Variants in AKAP13 observed in about 807,000 individuals in gnomAD.
The protein encoded by AKAP13 is A-kinase anchor protein 13.
Under a neutral mutation model 264.5 loss-of-function variants are expected in AKAP13, and 80 were observed. That is an observed-to-expected ratio of 0.30 (90% confidence interval 0.25 to 0.36). AKAP13 has a LOEUF of 0.36. Among genes scored for constraint, AKAP13 ranks in the 10% least tolerant of loss-of-function variants. The pLI, the probability that AKAP13 is intolerant of heterozygous loss-of-function variation, is 1.00. For missense variants in AKAP13, 3,712 were observed against 3,435.2 expected (o/e 1.08, Z -2.01); for synonymous variants, 1,380 against 1,250.2 (o/e 1.10, Z -2.19).
Position 85,442,710 on chromosome 15 carries a change from A to G in AKAP13, c.-11-43000A>G, listed in dbSNP as rs2073752918. Among the ~76,000 whole-genome samples, 3 of 151,678 alleles carry G rather than the reference A, an allele frequency of 2.0e-5. No homozygotes were observed. In the South Asian group the frequency reaches 6.2e-4, roughly 31 times the overall value. ...AAAACTTTCTTCCCCTATCATTGCC[A>G]TCCTGATTTTGGCTCAGCAACACTT... On this transcript the variant is annotated intron_variant, in intron 1 of 36. Transcript: ENST00000394518.
intron 8 of AKAP13, among the ~76,000 whole-genome samples, chr15:85,613,513 C>T (rs1567155472): frequency 6.6e-6 from 1 of 151,580 alleles, no homozygotes; most frequent in Non-Finnish European, 1.5e-5. Context: ...AACCCCGTCT[C>T]TACTAAAAAT....
chr15:85,628,810 T>C (rs2081555587), intron 8 of AKAP13, among the ~76,000 whole-genome samples: 1 of 152,176 alleles, frequency 6.6e-6, no homozygotes, highest in Admixed American at 6.5e-5. Context: ...AATAAATCTT[T>C]CTTGAAGATG....
chr15:85,659,570 C>A (rs1027258250), intron 12 of AKAP13, among the ~76,000 whole-genome samples: 1 of 152,066 alleles, frequency 6.6e-6, no homozygotes, highest in Admixed American at 6.6e-5. Flanking sequence ...TAAGTTTTAA[C>A]CCCATCTCTA....
intron 2 of AKAP13, among the ~76,000 whole-genome samples, chr15:85,505,778 T>A (rs1223785915): frequency 6.6e-6 from 1 of 152,202 alleles, no homozygotes; most frequent in Admixed American, 6.5e-5. Flanking sequence ...TATCTTAGTA[T>A]TTTCCTGCTG....
At chr15:85,388,039 C>CTT (rs59619317) in intron 1 of AKAP13, among the ~76,000 whole-genome samples, 91 of 143,834 alleles carry the variant, frequency 6.3e-4, no homozygotes, top group East Asian at 2.2e-3. Flanking sequence ...CTTTCATTTC[C>CTT]TTTTTTTTTT....
intron 5 of AKAP13, among the ~76,000 whole-genome samples, chr15:85,556,838 G>C (rs1166942707): frequency 6.6e-6 from 1 of 152,168 alleles, no homozygotes; most frequent in Non-Finnish European, 1.5e-5. Context: ...AAGCTCTTCA[G>C]AAGAAGCCGC....
Position 85,730,690 on chromosome 15 carries a change from A to G in AKAP13, c.7265A>G (p.Lys2422Arg). 6.2e-7 allele frequency: 1 copy of G among 1,613,508 alleles called. No individual in the cohort carries two copies. The change falls in exon 30 of 37, where the codon AAA becomes AGA. Residue 2422 changes from lysine to arginine, a missense_variant. Physicochemically the swap from Lys to Arg is conservative, Grantham distance 26. Transcript: ENST00000394518. ...GCTCTCAAAGGAGGACCTTTAATGA[A>G]AAGTGCAATAAATGAGGGTAATTAA... The part of the protein sequence containing the change: ...EEALKGGPLM[K>R]SAINEVEILQ...
chr15:85,743,141 G>A (rs1168118550), intron 35 of AKAP13, among the ~76,000 whole-genome samples: 1 of 152,090 alleles, frequency 6.6e-6, no homozygotes, highest in African/African-American at 2.4e-5. Flanking sequence ...TCCCTGTGTA[G>A]AGCAATCTTA....
intron 8 of AKAP13, among the ~76,000 whole-genome samples, chr15:85,617,914 C>CT: frequency 6.6e-6 from 1 of 152,280 alleles, no homozygotes; most frequent in East Asian, 1.9e-4. Context: ...TTTTAAATCT[C>CT]TGTCAAATCG....
chr15:85,665,482 T>G (rs1446977704), intron 13 of AKAP13, among the ~76,000 whole-genome samples: 2 of 152,210 alleles, frequency 1.3e-5, no homozygotes, highest in Non-Finnish European at 2.9e-5. Flanking sequence ...CCAGGAAATG[T>G]CAGTTGATTC....
intron 14 of AKAP13, among the ~76,000 whole-genome samples, chr15:85,679,695 T>G (rs2084475648): frequency 6.6e-6 from 1 of 152,242 alleles, no homozygotes; most frequent in Non-Finnish European, 1.5e-5. Flanking sequence ...AGTTCCACCC[T>G]GAAGTTCCTG....
At chr15:85,617,250 T>C (rs2009531) in intron 8 of AKAP13, among the ~76,000 whole-genome samples, 17 of 89,772 alleles carry the variant, frequency 1.9e-4, no homozygotes, top group East Asian at 1.0e-3. Context: ...GTTGTTTTTG[T>C]TTTTTGTTTT....
At chr15:85,712,783 A>T (rs780609211) in intron 19 of AKAP13, among the ~76,000 whole-genome samples, 1 of 152,114 alleles carries the variant, frequency 6.6e-6, no homozygotes, top group African/African-American at 2.4e-5. Context: ...ACCTCAAGGC[A>T]TCTGTCTGTC....
chr15:85,564,104 T>C (rs552808445), intron 5 of AKAP13, among the ~76,000 whole-genome samples: 1 of 152,354 alleles, frequency 6.6e-6, no homozygotes. Flanking sequence ...AAATTTTCTG[T>C]CAGTATCTGT....
chr15:85,388,220 T>C (rs2150794174), intron 1 of AKAP13, among the ~76,000 whole-genome samples: 1 of 151,844 alleles, frequency 6.6e-6, no homozygotes, highest in Non-Finnish European at 1.5e-5. Flanking sequence ...ATTTTTTTTT[T>C]TTTAAGTGGA....
At chr15:85,739,200 C>G (rs568648779) in intron 33 of AKAP13, among the ~76,000 whole-genome samples, 1 of 152,266 alleles carries the variant, frequency 6.6e-6, no homozygotes, top group Admixed American at 6.5e-5. Flanking sequence ...CCCGAGTATG[C>G]CAAAATGCTT....
At chr15:85,738,979 A>G (rs916272752) in intron 33 of AKAP13, among the ~76,000 whole-genome samples, 1 of 152,158 alleles carries the variant, frequency 6.6e-6, no homozygotes, top group Non-Finnish European at 1.5e-5. Flanking sequence ...AGAGCTTCAT[A>G]TCTTGCTTTT....
At chr15:85,525,976 A>G (rs74443478) in intron 3 of AKAP13, among the ~76,000 whole-genome samples, 1,910 of 152,272 alleles carry the variant, frequency 0.013, 46 homozygotes, top group African/African-American at 0.044. Flanking sequence ...AATGAAATCT[A>G]TTTTCAGCAT....
At chr15:85,471,069 G>A (rs562860230) in intron 1 of AKAP13, among the ~76,000 whole-genome samples, 1 of 152,252 alleles carries the variant, frequency 6.6e-6, no homozygotes, top group South Asian at 2.1e-4. Context: ...CCCTCATTGT[G>A]GAGGAAGCTG....
Sources: allele counts gnomAD v4.1 joint callset (sites outside exome capture counted in the v4.1 genomes callset), GRCh38; gene constraint gnomAD v4.1.1; transcripts MANE v1.5; gene names NCBI Gene and HGNC (gene_info 2026-07-23, HGNC 2026-07-21).